The following SSR4 variants were observed in gnomAD, a reference collection of about 807,000 sequenced individuals.
The protein encoded by SSR4 is signal sequence receptor subunit 4, also known as translocon-associated protein subunit delta.
For missense variants in SSR4, 125 were observed against 148.8 expected (o/e 0.84, Z 0.83); for synonymous variants, 84 against 65.6 (o/e 1.28, Z -1.35).
At chrX:153,797,148 C>T (rs1486017661) in intron 2 of SSR4, 1 of 331,422 alleles carries the variant, frequency 3.0e-6, no homozygotes, top group East Asian at 5.3e-5. Context: ...GACCCCAGCA[C>T]CTCCCTTGTA....
chrX:153,795,837 T>A, intron 1 of SSR4: 1 of 755,155 alleles, frequency 1.3e-6, no homozygotes, highest in Non-Finnish European at 1.6e-6. Context: ...TTTGGGCCTC[T>A]GGTTATGGAG....
upstream of SSR4, chrX:153,794,299 C>G: frequency 8.3e-7 from 1 of 1,198,414 alleles, no homozygotes. Flanking sequence ...GCGGCGCTGC[C>G]GGCGACGGTC....
At chrX:153,794,612 T>TA (rs782711765), upstream of SSR4, 6 of 1,203,832 alleles carry the variant, frequency 5.0e-6, no homozygotes, top group Admixed American at 2.2e-5. Flanking sequence ...CGCTGCCACT[T>TA]ACGCGTCGCT....
intron 4 of SSR4, 71 bp from the exon 5 acceptor site, chrX:153,798,000 T>TGCCCCC: frequency 7.1e-6 from 5 of 703,983 alleles, no homozygotes; most frequent in Non-Finnish European, 9.1e-6. Flanking sequence ...TACCTGTCTT[T>TGCCCCC]CCCCTCCCCT....
At chrX:153,794,254 G>C (rs1308495555), upstream of SSR4, 2 of 1,195,005 alleles carry the variant, frequency 1.7e-6, no homozygotes, top group Non-Finnish European at 2.3e-6. Context: ...ACCTCCCAGG[G>C]ACGGCAGAGA....
chrX:153,796,586 TG>T (rs782188974), intron 2 of SSR4, 34 bp downstream of exon 2: 19 of 948,748 alleles, frequency 2.0e-5, no homozygotes, highest in Non-Finnish European at 2.6e-5. Context: ...GGAGGGCGGG[TG>T]GGGGGTGCTC....
upstream of SSR4, chrX:153,794,450 AT>A (rs1420219711): frequency 2.3e-5 from 26 of 1,138,026 alleles, no homozygotes; most frequent in Non-Finnish European, 2.9e-5. Context: ...GGTCGCACCG[AT>A]TCACGCCCCC....
At position 153,797,709 on chromosome X, in the gene SSR4, T is replaced by G. The variant is rs1557072982; in HGVS notation, c.262-16T>G. 8.3e-6 allele frequency: 10 copies of G among 1,206,376 alleles called. No homozygotes were observed. The highest frequency in any genetic ancestry group is 1.1e-5 in the Non-Finnish European group (10 of 891,557). On this transcript the variant is annotated splice_polypyrimidine_tract_variant and intron_variant, in intron 3 of 5. Coordinates refer to ENST00000370086, the MANE Select transcript of SSR4 (RefSeq NM_006280.3). ...CGTGTCCACTCTGCCCACACTCTGC[T>G]CAACACCCAACCCAGGTGTCCTGGA...
intron 4 of SSR4, 87 bp downstream of exon 4, chrX:153,797,901 C>G: frequency 1.1e-6 from 1 of 890,174 alleles, no homozygotes; most frequent in Non-Finnish European, 1.6e-6. Flanking sequence ...AAGTCCTGAG[C>G]TGGGTGGCCT....
upstream of SSR4, chrX:153,794,339 G>A: frequency 8.4e-7 from 1 of 1,190,558 alleles, no homozygotes; most frequent in Admixed American, 2.2e-5. Context: ...CGGAAAGTGA[G>A]AGCCTCCGCA....
In SSR4 at chrX:153,796,445, C is replaced by G; in HGVS notation, c.79C>G (p.Leu27Val). The part of the protein sequence containing the change: ...SLSRCSAEAC[L>V]EPQITPSYYT... Reference sequence around the variant, plus strand: ...CCTCTTCCCCGCAGCCGAGGCCTGCCTGGAGCCCCAGATCACCCCTTCCTA... The same window carrying G: ...CCTCTTCCCCGCAGCCGAGGCCTGCGTGGAGCCCCAGATCACCCCTTCCTA... Residue 27 changes from leucine (L) to valine (V), a missense_variant, in exon 2 of 6, where the codon CTG becomes GTG. Leu to Val is a conservative substitution (Grantham distance 32). Coordinates refer to ENST00000370086, the MANE Select transcript of SSR4 (RefSeq NM_006280.3). 2 of 1,208,652 alleles carry G rather than the reference C, an allele frequency of 1.7e-6. No individual in the cohort carries two copies. Among genetic ancestry groups the G allele is most frequent in the Non-Finnish European group, 2.2e-6 (2 of 892,396 alleles).
intron 1 of SSR4, chrX:153,796,029 C>T: frequency 5.2e-6 from 1 of 192,094 alleles, no homozygotes; most frequent in Non-Finnish European, 8.5e-6. Flanking sequence ...GCAGCCCCCA[C>T]CCCCGATGTC....
intron 4 of SSR4, 71 bp from the exon 5 acceptor site, chrX:153,798,000 T>TC: frequency 1.7e-5 from 12 of 703,943 alleles, no homozygotes; most frequent in Admixed American, 2.3e-5. Context: ...TACCTGTCTT[T>TC]CCCCTCCCCT....
At chrX:153,797,117 G>T in intron 2 of SSR4, 1 of 274,272 alleles carries the variant, frequency 3.6e-6, no homozygotes, top group Non-Finnish European at 6.5e-6. Flanking sequence ...GCACCCCTTG[G>T]GCAGCCCACT....
At chrX:153,794,487 G>A, upstream of SSR4, 1 of 1,152,801 alleles carries the variant, frequency 8.7e-7, no homozygotes, top group Non-Finnish European at 1.2e-6. Flanking sequence ...CACCGCTGCC[G>A]CCATGTTGAG....
intron 2 of SSR4, chrX:153,797,113 C>T (rs921666035): frequency 1.1e-5 from 3 of 270,555 alleles, no homozygotes; most frequent in Non-Finnish European, 1.3e-5. Context: ...TAAAGCACCC[C>T]TTGGGCAGCC....
chrX:153,794,457 C>G (rs1446868193), upstream of SSR4: 56 of 1,141,131 alleles, frequency 4.9e-5, no homozygotes, highest in Non-Finnish European at 6.4e-5. Context: ...CCGATTCACG[C>G]CCCCTTCCGG....
chrX:153,794,503 G>A, upstream of SSR4: 2 of 1,159,697 alleles, frequency 1.7e-6, no homozygotes, highest in Non-Finnish European at 2.3e-6. Context: ...TTGAGGGGGG[G>A]ACCGCGACCA....
rs782256468 is a variant in SSR4, at chrX:153,797,822, C to G, written c.351+8C>G. The G allele has an allele frequency of 6.8e-6, 8 of 1,172,936 alleles. No individual in the cohort carries two copies. The East Asian group carries it at 1.8e-4, about 26-fold the overall frequency. On this transcript the variant is annotated splice_region_variant and intron_variant, in intron 4 of 5. Transcript: ENST00000370086. ...TACAGCCTCCTCAGGAAGGTGAGGACTCCTGTAGCCCACTGTGCTCCCCTG... is the reference window on the plus strand; with the variant it reads ...TACAGCCTCCTCAGGAAGGTGAGGAGTCCTGTAGCCCACTGTGCTCCCCTG...
Sources: gnomAD v4.1 joint callset for allele counts on GRCh38, gnomAD v4.1.1 for gene constraint, MANE v1.5 for transcripts, NCBI Gene and HGNC (gene_info 2026-07-23, HGNC 2026-07-21) for gene names.